MUC3A: variants seen among roughly 807,000 people sequenced by gnomAD.
MUC3A encodes the protein mucin-3A.
Under a neutral mutation model 109.0 loss-of-function variants are expected in MUC3A, and 109 were observed. The observed-to-expected ratio is 1.00, with a 90% CI of 0.86 to 1.17. MUC3A has a LOEUF of 1.17. Ranked by LOEUF, MUC3A falls within the 50% of genes most tolerant of loss-of-function variation. The probability of loss-of-function intolerance (pLI) is 0.00; values close to 1 mark genes in which losing one functional copy is unlikely to be tolerated. For missense variants in MUC3A, 3,537 were observed against 2,469.4 expected (o/e 1.43, Z -9.16); for synonymous variants, 1,398 against 981.4 (o/e 1.42, Z -7.93).
Position 100,959,479 on chromosome 7 carries a change from G to T in MUC3A, c.7700G>T (p.Ser2567Ile). The T allele has an allele frequency of 6.3e-7, 1 of 1,580,208 alleles. No individual in the cohort carries two copies. Among genetic ancestry groups the T allele is most frequent in the Non-Finnish European group, 8.5e-7 (1 of 1,172,416 alleles). ...ITENTPISSF[S>I]TSIVVIPETP... Reference sequence around the variant, plus strand: ...GAGAACACCCCAATCAGTTCCTTTAGCACAAGTATTGTTGTTATACCTGAA... The same window carrying T: ...GAGAACACCCCAATCAGTTCCTTTATCACAAGTATTGTTGTTATACCTGAA... The change falls in exon 2 of 12, where the codon AGC (serine) becomes ATC (isoleucine). Residue 2567 changes from serine (S) to isoleucine (I), a missense_variant. Coordinates refer to ENST00000379458, the MANE Select transcript of MUC3A (RefSeq NM_005960.2).
At position 100,959,442 on chromosome 7, in the gene MUC3A, C is replaced by T. The variant is rs768170641; in HGVS notation, c.7663C>T (p.Leu2555Phe). ...CACCATGTCCACTGTGAGAATGACC[C>T]TCAGAATTACTGAGAACACCCCAAT... ...SPTMSTVRMT[L>F]RITENTPISS... The change falls in exon 2 of 12, where the codon CTC becomes TTC. Residue 2555 changes from leucine (L) to phenylalanine (F), a missense_variant. Transcript: ENST00000379458. 21 of 1,549,638 alleles carry T rather than the reference C, an allele frequency of 1.4e-5. No homozygotes were observed. In the East Asian group the frequency reaches 4.3e-4, roughly 31 times the overall value.
intron 3 of MUC3A, 105 bp from the exon 4 acceptor site, chr7:100,963,046 T>C: frequency 7.7e-7 from 1 of 1,306,842 alleles, no homozygotes; most frequent in Non-Finnish European, 1.1e-6. Context: ...CTCAGGGATC[T>C]TGGAGGGGAG....
At chr7:100,964,046 T>G in intron 5 of MUC3A, 1 of 582,766 alleles carries the variant, frequency 1.7e-6, no homozygotes, top group East Asian at 2.9e-5. Context: ...CCTGCTCTAC[T>G]GAGTGGGTCA....
chr7:100,957,976 C>T lies in MUC3A; in HGVS notation c.6197C>T (p.Thr2066Ile). Reference protein sequence around the residue: ...TPSFTSLITITEITSHSTLSY... With the variant: ...TPSFTSLITIIEITSHSTLSY... ...AGCTTCACTTCATTGATCACCATCA[C>T]CGAGATCACCTCACACAGTACTCTC... Residue 2066 changes from threonine (T) to isoleucine (I), a missense_variant, in exon 2 of 12, where the codon ACC (threonine) becomes ATC (isoleucine). Thr to Ile is a moderately conservative substitution (Grantham distance 89). Transcript: ENST00000379458. 1 of 788,434 alleles carries T rather than the reference C, an allele frequency of 1.3e-6. No homozygotes were observed. The allele number at this position is 788,434 out of a possible 1,614,324, so 48.8% of individuals were successfully genotyped here.
At chr7:100,963,029 A>G in intron 3 of MUC3A, 122 bp from the exon 4 acceptor site, 2 of 1,090,604 alleles carry the variant, frequency 1.8e-6, no homozygotes, top group South Asian at 2.9e-5. Flanking sequence ...GCCTCTGGGC[A>G]TCAGTCCTCA....
chr7:100,966,691 T>C lies in MUC3A; in HGVS notation c.9825T>C (p.Asp3275=), dbSNP rs753526586. ...DQDRKWFETW[D]EEVVGTFSNW... The stretch of plus-strand genomic sequence containing the variant: ...ACAGGAAATGGTTCGAGACCTGGGA[T>C]GAGGAAGTCGTGGGCACTTTTTCAA... Residue 3275 remains aspartate, a synonymous_variant, in exon 10 of 12, where the codon GAT becomes GAC. Transcript: ENST00000379458. 6.3e-7 allele frequency: 1 copy of C among 1,598,552 alleles called. No individual in the cohort carries two copies. The highest frequency in any genetic ancestry group is 1.7e-5 in the Admixed American group (1 of 60,030).
chr7:100,965,710 G>A lies in MUC3A; in HGVS notation c.9455G>A (p.Cys3152Tyr). The A allele has an allele frequency of 6.3e-7, 1 of 1,597,062 alleles. No homozygotes were observed. Among genetic ancestry groups the A allele is most frequent in the Non-Finnish European group, 8.5e-7 (1 of 1,178,956 alleles). ...SKTELTPAAI[C>Y]RRAAPTGYEE... ...CCCCCTCCCCAACCCCCAGCCATCT[G>A]CCGCCGCGCCGCTCCCACGGGCTAT... is the stretch of plus-strand genomic sequence containing the variant. Residue 3152 changes from cysteine to tyrosine, a missense_variant, in exon 8 of 12, where the codon TGC becomes TAC. Physicochemically the swap from Cys to Tyr is radical, Grantham distance 194. Transcript: ENST00000379458.
chr7:100,959,312 T>C lies in MUC3A; in HGVS notation c.7533T>C (p.Ser2511=), dbSNP rs752277895. ...TSLTTTTDFP[S]IPTDISTLPT... is the part of the protein sequence containing the mutation. ...TGACTACAACCACAGACTTTCCCTC[T>C]ATACCCACTGATATCAGTACCTTAC... The change falls in exon 2 of 12, where the codon TCT becomes TCC. Residue 2511 remains serine, a synonymous_variant. Coordinates refer to ENST00000379458, the MANE Select transcript of MUC3A (RefSeq NM_005960.2). 2 of 1,572,912 alleles carry C rather than the reference T, an allele frequency of 1.3e-6. No homozygotes were observed. The highest frequency in any genetic ancestry group is 1.7e-6 in the Non-Finnish European group (2 of 1,166,798).
rs762464654 is a variant in MUC3A, at chr7:100,959,776, G to T, written c.7997G>T (p.Gly2666Val). Residue 2666 changes from glycine to valine, a missense_variant, in exon 2 of 12, where the codon GGA becomes GTA. Transcript: ENST00000379458. ...SEFTTESFTR[G>V]STSTNAILTS... The stretch of plus-strand genomic sequence containing the variant: ...TTCACTACAGAATCTTTCACTAGGG[G>T]AAGTACGTCTACAAATGCAATCTTG... 1.3e-6 allele frequency: 2 copies of T among 1,597,506 alleles called. No homozygotes were observed. Among genetic ancestry groups the T allele is most frequent in the Admixed American group, 1.7e-5 (1 of 59,964 alleles).
chr7:100,966,861 C>A (rs754392387), intron 10 of MUC3A, 38 bp from the exon 11 acceptor site: 1 of 1,598,478 alleles, frequency 6.3e-7, no homozygotes, highest in Non-Finnish European at 8.5e-7. Context: ...CGTCCCCTCC[C>A]TCTCCCCTTC....
In MUC3A at chr7:100,956,180, T is replaced by A. The variant is rs1792090838; in HGVS notation, c.4401T>A (p.Ser1467=). The A allele has an allele frequency of 2.3e-6, 1 of 441,826 alleles. No individual in the cohort carries two copies. The highest frequency in any genetic ancestry group is 4.0e-6 in the Non-Finnish European group (1 of 252,216). 27.4% of individuals were successfully genotyped at this position (441,826 alleles called of 1,614,324 possible). ...CATCTGAGACCGCCTACCCTAGTTC[T>A]CCCACAAGCACTGTCACAGAGTCCA... ...TLTSETAYPS[S]PTSTVTESTT... is the part of the protein sequence containing the mutation. Residue 1467 remains serine, a synonymous_variant, in exon 2 of 12, where the codon TCT becomes TCA. Coordinates refer to ENST00000379458, the MANE Select transcript of MUC3A (RefSeq NM_005960.2).
At position 100,958,397 on chromosome 7, in the gene MUC3A, T is replaced by TCTTTGATAACC. The variant is rs1792161849; in HGVS notation, c.6618_6619insCTTTGATAACC (p.Thr2207LeufsTer2). On this transcript the variant is annotated stop_gained and frameshift_variant, in exon 2 of 12. Transcript: ENST00000379458. LOFTEE classifies it high-confidence loss of function. The stretch of plus-strand genomic sequence containing the variant: ...CCTCACACAGTACTCCCAGCTACAT[T>TCTTTGATAACC]ACCTCAATCACCACCACCGAGACCC... 1 of 1,412,578 alleles carries TCTTTGATAACC rather than the reference T, an allele frequency of 7.1e-7. No individual in the cohort carries two copies. The highest frequency in any genetic ancestry group is 1.6e-5 in the African/African-American group (1 of 62,688). 87.5% of individuals were successfully genotyped at this position (1,412,578 alleles called of 1,614,324 possible).
rs1225034820 is a variant in MUC3A at position 100,965,278 on chromosome 7, G to A, written c.9383-4G>A. 1.9e-6 allele frequency: 3 copies of A among 1,598,794 alleles called. No individual in the cohort carries two copies. Among genetic ancestry groups the A allele is most frequent in the Non-Finnish European group, 2.5e-6 (3 of 1,179,610 alleles). On this transcript the variant is annotated splice_region_variant and splice_polypyrimidine_tract_variant and intron_variant, in intron 6 of 11. Transcript: ENST00000379458. ...CCATTCCATCTGTGCCTGTGTTTCC[G>A]CAGCCCTGTGTTTTAAGCCTGACTC...
Position 100,961,995 on chromosome 7 carries a change from G to A in MUC3A, c.9052+1058G>A. 3.8e-4 allele frequency among the ~76,000 whole-genome samples: 4 copies of A among 10,494 alleles called. 1 individual carries two copies. The South Asian group carries it at 0.012, about 32-fold the overall frequency. 6.9% of individuals were successfully genotyped at this position (10,494 alleles called of 152,430 possible). A position where few individuals can be genotyped will look rare whatever the true frequency, so the allele number is the denominator to read the frequency against. On this transcript the variant is annotated intron_variant, in intron 3 of 11. Transcript: ENST00000379458. ...CGCCTGTAATCCCAGCACTTTGGGAGGCCGAGGCGGGCGGATCACGAGGTC... is the reference window on the plus strand; with the variant it reads ...CGCCTGTAATCCCAGCACTTTGGGAAGCCGAGGCGGGCGGATCACGAGGTC...
rs375832864 is a variant in MUC3A, at chr7:100,960,938, G to A, written c.9052+1G>A. The A allele has an allele frequency of 7.3e-5, 117 of 1,598,408 alleles. No homozygotes were observed. Among genetic ancestry groups the A allele is most frequent in the Non-Finnish European group, 9.5e-5 (112 of 1,179,810 alleles). Reference sequence around the variant, plus strand: ...TTTGCTGTGGAACAGGTGGATCTAGGTGAGTTGCCAGAGCTATGCCTTCTG... The same window carrying A: ...TTTGCTGTGGAACAGGTGGATCTAGATGAGTTGCCAGAGCTATGCCTTCTG... On this transcript the variant is annotated splice_donor_variant, in intron 3 of 11. Coordinates refer to ENST00000379458, the MANE Select transcript of MUC3A (RefSeq NM_005960.2). LOFTEE classifies it high-confidence loss of function.
chr7:100,958,991 C>T lies in MUC3A; in HGVS notation c.7212C>T (p.His2404=). 2.8e-6 allele frequency: 4 copies of T among 1,419,214 alleles called. No individual in the cohort carries two copies. Among genetic ancestry groups the T allele is most frequent in the Non-Finnish European group, 3.7e-6 (4 of 1,091,790 alleles). The allele number at this position is 1,419,214 out of a possible 1,614,324, so 87.9% of individuals were successfully genotyped here. ...SWVTTTKTTS[H]ITPGLTSSIT... is the part of the protein sequence containing the mutation. Reference sequence around the variant, plus strand: ...TCACCACCACCAAGACCACCTCACACATTACTCCTGGCCTCACTTCTTCAA... The same window carrying T: ...TCACCACCACCAAGACCACCTCACATATTACTCCTGGCCTCACTTCTTCAA... The change falls in exon 2 of 12, where the codon CAC becomes CAT. Residue 2404 remains histidine (H), a synonymous_variant. Transcript: ENST00000379458.
intron 5 of MUC3A, 179 bp from the exon 6 acceptor site, chr7:100,964,516 C>T (rs1008104760): frequency 1.6e-5 from 16 of 1,028,090 alleles, no homozygotes; most frequent in Non-Finnish European, 1.6e-5. Context: ...CCTGCCTTCC[C>T]AGGCAGACCA....
intron 3 of MUC3A, among the ~76,000 whole-genome samples, chr7:100,962,821 C>CT (rs1214372757): frequency 8.4e-4 from 15 of 17,814 alleles, no homozygotes; most frequent in East Asian, 3.0e-3. Flanking sequence ...CTCTTTCTTT[C>CT]TTTCTTTCTT....
Position 100,956,595 on chromosome 7 carries a change from T to G in MUC3A, c.4816T>G (p.Ser1606Ala), listed in dbSNP as rs1792103546. 1 of 436,450 alleles carries G rather than the reference T, an allele frequency of 2.3e-6. No homozygotes were observed. Among genetic ancestry groups the G allele is most frequent in the African/African-American group, 2.0e-5 (1 of 49,086 alleles). The allele number at this position is 436,450 out of a possible 1,614,324, so 27.0% of individuals were successfully genotyped here. ...LTSVYTVSSMSARPTSVIPSS... is the reference protein window; with the variant it reads ...LTSVYTVSSMAARPTSVIPSS... ...CTCAGTGTACACAGTCTCCAGCATG[T>G]CTGCAAGGCCAACAAGTGTCATTCC... Residue 1606 changes from serine to alanine, a missense_variant, in exon 2 of 12, where the codon TCT (serine) becomes GCT (alanine). Ser to Ala is a moderately conservative substitution (Grantham distance 99). Transcript: ENST00000379458.
Sources: gnomAD v4.1 joint callset for allele counts (sites outside exome capture counted in the v4.1 genomes callset) on GRCh38, gnomAD v4.1.1 for gene constraint, MANE v1.5 for transcripts, NCBI Gene and HGNC (gene_info 2026-07-23, HGNC 2026-07-21) for gene names.